NCOR2: variants seen among roughly 807,000 people sequenced by gnomAD.
NCOR2 encodes nuclear receptor corepressor 2, also known as CTG repeat protein 26.
In NCOR2, 81 loss-of-function variants were observed where a neutral mutation model predicts 262.9. The observed-to-expected ratio is 0.31, with a 90% CI of 0.26 to 0.37. The LOEUF (loss-of-function observed/expected upper bound fraction) is 0.37. NCOR2 is among the 10% of genes least tolerant of loss of function. The probability of loss-of-function intolerance (pLI) is 1.00; values close to 1 mark genes in which losing one functional copy is unlikely to be tolerated. For missense variants in NCOR2, 3,385 were observed against 3,621.4 expected (o/e 0.93, Z 1.68); for synonymous variants, 1,659 against 1,559.3 (o/e 1.06, Z -1.51).
At chr12:124,486,524 G>C in exon 2 of NCOR2, 1 of 1,602,188 alleles carries the variant, frequency 6.2e-7, no homozygotes, top group Non-Finnish European at 8.5e-7. Flanking sequence ...ACAGGTGGGA[G>C]GCATAGTCGC....
chr12:124,341,953 G>A (rs1210529061), exon 34 of NCOR2: 1 of 1,613,232 alleles, frequency 6.2e-7, no homozygotes, highest in Admixed American at 1.7e-5. Context: ...TGTAGTCATT[G>A]ATGATGGTCT....
chr12:124,392,405 GTC>G (rs1424478768), intron 16 of NCOR2, among the ~76,000 whole-genome samples: 1 of 152,110 alleles, frequency 6.6e-6, no homozygotes, highest in East Asian at 1.9e-4. Flanking sequence ...CTCCCTAGTG[GTC>G]TCTCTCCAGA....
chr12:124,394,373 G>A (rs1397667390), intron 16 of NCOR2, among the ~76,000 whole-genome samples: 1 of 152,234 alleles, frequency 6.6e-6, no homozygotes, highest in African/African-American at 2.4e-5. Flanking sequence ...TATGCCCCGG[G>A]CAGCACTGCC....
At chr12:124,437,726 C>T (rs551161357) in intron 8 of NCOR2, among the ~76,000 whole-genome samples, 1 of 152,082 alleles carries the variant, frequency 6.6e-6, no homozygotes, top group Non-Finnish European at 1.5e-5. Flanking sequence ...AGAGCCCCCC[C>T]ACCCCCACCC....
At chr12:124,545,395 T>C (rs559266531) in intron 1 of NCOR2, among the ~76,000 whole-genome samples, 7 of 152,136 alleles carry the variant, frequency 4.6e-5, no homozygotes, top group Admixed American at 2.0e-4. Context: ...TGGGCAGGGC[T>C]CTGCAGGAGC....
chr12:124,516,449 T>G (rs1176101632), intron 1 of NCOR2, among the ~76,000 whole-genome samples: 1 of 152,104 alleles, frequency 6.6e-6, no homozygotes, highest in South Asian at 2.1e-4. Context: ...CTACCTCCCA[T>G]TATCTGGACC....
intron 1 of NCOR2, among the ~76,000 whole-genome samples, chr12:124,550,760 G>C (rs572677020): frequency 6.6e-6 from 1 of 152,170 alleles, no homozygotes; most frequent in South Asian, 2.1e-4. Flanking sequence ...TGGCAGGGGG[G>C]CCCACACCTC....
intron 17 of NCOR2, among the ~76,000 whole-genome samples, chr12:124,381,004 G>A (rs1593294551): frequency 6.6e-6 from 1 of 152,164 alleles, no homozygotes; most frequent in Non-Finnish European, 1.5e-5. Flanking sequence ...GCGCCAAGCG[G>A]TTTCTGGTAT....
At chr12:124,343,128 G>T in exon 33 of NCOR2, 1 of 1,612,286 alleles carries the variant, frequency 6.2e-7, no homozygotes, top group East Asian at 2.2e-5. Flanking sequence ...ATGGGGTGTG[G>T]GTGGTGCTCG....
At chr12:124,521,035 G>T (rs2137087949) in intron 1 of NCOR2, among the ~76,000 whole-genome samples, 1 of 152,364 alleles carries the variant, frequency 6.6e-6, no homozygotes, top group Non-Finnish European at 1.5e-5. Flanking sequence ...GGCTCAGCTG[G>T]CGAATGGGGG....
chr12:124,333,793 C>T (rs916820154), intron 41 of NCOR2, among the ~76,000 whole-genome samples: 6 of 151,906 alleles, frequency 3.9e-5, no homozygotes, highest in Non-Finnish European at 8.8e-5. Context: ...TGGGAGTGTG[C>T]GTGAGCATGT....
chr12:124,505,691 C>T (rs1292075887), intron 1 of NCOR2, among the ~76,000 whole-genome samples: 3 of 152,180 alleles, frequency 2.0e-5, no homozygotes, highest in Non-Finnish European at 4.4e-5. Flanking sequence ...ACAAGAATCT[C>T]GGTGCAGTTC....
intron 37 of NCOR2, among the ~76,000 whole-genome samples, chr12:124,339,219 A>ACCCCCCCCCCCC (rs1555300759): frequency 6.3e-5 from 4 of 63,314 alleles, no homozygotes; most frequent in East Asian, 5.1e-4. Flanking sequence ...TCTACCTACC[A>ACCCCCCCCCCCC]CCCACCCACC....
chr12:124,396,533 C>A (rs950363899), intron 16 of NCOR2, among the ~76,000 whole-genome samples: 5 of 152,208 alleles, frequency 3.3e-5, no homozygotes, highest in Non-Finnish European at 7.3e-5. Flanking sequence ...AGTGCCCAGG[C>A]CCTACCAGCT....
chr12:124,356,926 C>T, intron 22 of NCOR2, 144 bp from the exon 25 acceptor site: 1 of 1,037,844 alleles, frequency 9.6e-7, no homozygotes, highest in Non-Finnish European at 1.3e-6. Context: ...GGGAAGCCCC[C>T]CAAGTCTGCC....
At chr12:124,522,429 C>G (rs765281613) in intron 1 of NCOR2, among the ~76,000 whole-genome samples, 4 of 152,296 alleles carry the variant, frequency 2.6e-5, no homozygotes, top group East Asian at 3.9e-4. Context: ...GCAGGGGGAG[C>G]CTTCTCTGTG....
chr12:124,344,953 TG>T lies in NCOR2; in HGVS notation c.4360-3del. The T allele has an allele frequency of 1.3e-6, 2 of 1,536,194 alleles. No homozygotes were observed. Reference sequence around the variant, plus strand: ...GGTGTCGTACTTGAGCGGGGTGCCCTGGGGCAGAGGGGATGTAAGCTCTAGC... The same window carrying T: ...GGTGTCGTACTTGAGCGGGGTGCCCTGGGCAGAGGGGATGTAAGCTCTAGC... On this transcript the variant is annotated splice_polypyrimidine_tract_variant and splice_region_variant and intron_variant, in intron 31 of 46. Transcript: ENST00000405201.
At chr12:124,335,773 G>T in intron 38 of NCOR2, 141 bp from the exon 41 acceptor site, 4 of 942,008 alleles carry the variant, frequency 4.2e-6, no homozygotes, top group East Asian at 5.2e-5. Context: ...GGCTCCCAAA[G>T]ACAGTAAGGC....
chr12:124,520,378 T>C (rs2050115368), intron 1 of NCOR2, among the ~76,000 whole-genome samples: 1 of 152,172 alleles, frequency 6.6e-6, no homozygotes, highest in Non-Finnish European at 1.5e-5. Context: ...CAGGAAGCGG[T>C]GCCTGAGAGC....
Sources: gnomAD v4.1 joint callset for allele counts (sites outside exome capture counted in the v4.1 genomes callset) on GRCh38, gnomAD v4.1.1 for gene constraint, MANE v1.5 for transcripts, NCBI Gene and HGNC (gene_info 2026-07-23, HGNC 2026-07-21) for gene names.